BPIFA3: variants seen among roughly 807,000 people sequenced by gnomAD.
The protein encoded by BPIFA3 is BPI fold-containing family A member 3.
Under a neutral mutation model 29.7 loss-of-function variants are expected in BPIFA3, and 32 were observed. The ratio of observed to expected loss-of-function variants is 1.08; its 90% CI spans 0.81 to 1.45. The LOEUF (loss-of-function observed/expected upper bound fraction) is 1.45, where lower values mean the gene tolerates loss of function less well. BPIFA3 is among the 40% of genes most tolerant of loss of function. The pLI is 0.00. For synonymous variants in BPIFA3, 112 were observed against 113.7 expected, an observed-to-expected ratio of 0.98 and a Z score of 0.10; for missense variants, 323 against 311.3, an observed-to-expected ratio of 1.04 and a Z score of -0.28.
In BPIFA3 at chr20:33,225,240, C is replaced by T. The variant is rs199894237; in HGVS notation, c.529C>T (p.Leu177Phe). 4 of 1,613,684 alleles carry T rather than the reference C, an allele frequency of 2.5e-6. No homozygotes were observed. The South Asian group carries it at 4.4e-5, about 18-fold the overall frequency. The change falls in exon 4 of 7, where the codon CTC becomes TTC. Residue 177 changes from leucine (L) to phenylalanine (F), a missense_variant. Transcript: ENST00000375454. ...GCCCAGCAGTGTCCATGTGGCCATC[C>T]TCACTGAGTAAGACCCCAGCTGCCC... ...AEPSSVHVAI[L>F]TEAIPPKMNQ...
intron 1 of BPIFA3, among the ~76,000 whole-genome samples, chr20:33,222,740 G>T (rs955394822): frequency 6.6e-5 from 10 of 152,096 alleles, no homozygotes; most frequent in Admixed American, 1.3e-4. Flanking sequence ...GGCAACCACT[G>T]GTGTCTGCTG....
intron 1 of BPIFA3, chr20:33,223,567 A>G (rs1568623925): frequency 2.3e-6 from 1 of 430,924 alleles, no homozygotes; most frequent in Non-Finnish European, 4.2e-6. Flanking sequence ...CAACCAGAAT[A>G]CCCCACTTTG....
At chr20:33,224,664 G>A (rs1248269510) in intron 3 of BPIFA3, among the ~76,000 whole-genome samples, 1 of 152,170 alleles carries the variant, frequency 6.6e-6, no homozygotes, top group Non-Finnish European at 1.5e-5. Flanking sequence ...GTCAGTGGAA[G>A]GAAGTCATTT....
intron 1 of BPIFA3, among the ~76,000 whole-genome samples, chr20:33,220,235 A>G (rs373762574): frequency 2.0e-5 from 3 of 152,100 alleles, no homozygotes; most frequent in East Asian, 3.9e-4. Flanking sequence ...CATCTCTACT[A>G]AAAATACAAG....
intron 3 of BPIFA3, among the ~76,000 whole-genome samples, chr20:33,224,769 T>C (rs142866988): frequency 1.3e-5 from 2 of 152,262 alleles, no homozygotes; most frequent in East Asian, 3.9e-4. Flanking sequence ...CTGCTCACCA[T>C]CCTCCTGTTC....
At chr20:33,226,671 T>A (rs777128263) in intron 5 of BPIFA3, among the ~76,000 whole-genome samples, 181 bp downstream of exon 5, 3 of 152,328 alleles carry the variant, frequency 2.0e-5, no homozygotes, top group East Asian at 3.9e-4. Flanking sequence ...AGACTTTGCC[T>A]CCCTGAGCCT....
intron 3 of BPIFA3, 64 bp from the exon 4 acceptor site, chr20:33,225,034 G>C: frequency 1.3e-6 from 2 of 1,515,444 alleles, no homozygotes; most frequent in Non-Finnish European, 1.8e-6. Context: ...TGCCAATACG[G>C]AGATTTCTAC....
intron 2 of BPIFA3, 49 bp from the exon 3 acceptor site, chr20:33,224,306 G>T (rs749162092): frequency 6.7e-7 from 1 of 1,489,000 alleles, no homozygotes; most frequent in Admixed American, 1.7e-5. Flanking sequence ...AGCCTTACCT[G>T]TTCTGAAGTC....
intron 1 of BPIFA3, among the ~76,000 whole-genome samples, chr20:33,222,285 C>T (rs899562432): frequency 2.6e-5 from 4 of 152,194 alleles, no homozygotes; most frequent in Non-Finnish European, 5.9e-5. Context: ...AAAATGGTGG[C>T]CCATGGCCAT....
At chr20:33,218,424 A>T (rs1985361340) in intron 1 of BPIFA3, among the ~76,000 whole-genome samples, 2 of 152,238 alleles carry the variant, frequency 1.3e-5, no homozygotes, top group Admixed American at 1.3e-4. Flanking sequence ...ACTGCCGAGT[A>T]CTGAGCTGTA....
At chr20:33,219,801 T>C (rs1467639337) in intron 1 of BPIFA3, among the ~76,000 whole-genome samples, 1 of 152,220 alleles carries the variant, frequency 6.6e-6, no homozygotes, top group Non-Finnish European at 1.5e-5. Flanking sequence ...TTAGAGTGTG[T>C]TGAGTTCCTT....
rs1600633383 is a variant in BPIFA3 at position 33,227,650 on chromosome 20, G to A, written c.*33G>A. On this transcript the variant is annotated 3_prime_UTR_variant, in exon 7 of 7. Coordinates refer to ENST00000375454, the MANE Select transcript of BPIFA3 (RefSeq NM_178466.5). ...TGATCAGAAGGAAAGTCCACATCTT[G>A]CAACCTTAAGTCTCCCTTAGAGTGG... 6.3e-7 allele frequency: 1 copy of A among 1,577,016 alleles called. No individual in the cohort carries two copies. Among genetic ancestry groups the A allele is most frequent in the African/African-American group, 1.3e-5 (1 of 74,184 alleles).
chr20:33,220,485 T>C (rs1600626123), intron 1 of BPIFA3, among the ~76,000 whole-genome samples: 1 of 152,220 alleles, frequency 6.6e-6, no homozygotes, highest in Non-Finnish European at 1.5e-5. Context: ...TTCCCAATCA[T>C]AAATTTAGTG....
intron 1 of BPIFA3, among the ~76,000 whole-genome samples, chr20:33,218,174 C>G (rs1051903115): frequency 6.6e-6 from 1 of 152,198 alleles, no homozygotes; most frequent in Non-Finnish European, 1.5e-5. Context: ...GATGGACATG[C>G]AGGTTGTCTC....
rs751686888 is a variant in BPIFA3 at position 33,227,121 on chromosome 20, G to C, written c.685+128G>C. ...CTGCATGTGCCGTGAGAACACTTTA[G>C]AGGTGACCATATTATGATGACCACA... On this transcript the variant is annotated intron_variant, in intron 6 of 6. Coordinates refer to ENST00000375454, the MANE Select transcript of BPIFA3 (RefSeq NM_178466.5). 26 of 768,350 alleles carry C rather than the reference G, an allele frequency of 3.4e-5. 1 individual carries two copies. Among genetic ancestry groups the C allele is most frequent in the South Asian group, 1.6e-4 (11 of 66,888 alleles). 47.6% of individuals were successfully genotyped at this position (768,350 alleles called of 1,614,324 possible). A position where few individuals can be genotyped will look rare whatever the true frequency, so the allele number is the denominator to read the frequency against.
chr20:33,224,739 C>T (rs1985696794), intron 3 of BPIFA3, among the ~76,000 whole-genome samples: 2 of 152,334 alleles, frequency 1.3e-5, no homozygotes, highest in South Asian at 4.1e-4. Flanking sequence ...GGGAGAACTG[C>T]TGTAATCATC....
In BPIFA3 at chr20:33,224,480, A is replaced by G. The variant is rs767788927; in HGVS notation, c.386+18A>G. 8 of 1,572,886 alleles carry G rather than the reference A, an allele frequency of 5.1e-6. No homozygotes were observed. Among genetic ancestry groups the G allele is most frequent in the Admixed American group, 3.3e-5 (2 of 59,934 alleles). ...TTGAGACCGTGAGTCATACAGAAGC[A>G]GAATCTGAGAGGTGCTGGCCCTCCT... On this transcript the variant is annotated intron_variant, in intron 3 of 6. Coordinates refer to ENST00000375454, the MANE Select transcript of BPIFA3 (RefSeq NM_178466.5).
intron 1 of BPIFA3, 39 bp from the exon 2 acceptor site, chr20:33,223,772 T>A (rs1985635389): frequency 6.3e-7 from 1 of 1,587,184 alleles, no homozygotes; most frequent in East Asian, 2.3e-5. Flanking sequence ...ACCTTTTCCG[T>A]GACACTGTGC....
In BPIFA3 at chr20:33,222,672, G is replaced by A. The variant is rs527557746; in HGVS notation, c.128-1139G>A. Among the ~76,000 whole-genome samples, 148 of 112,658 alleles carry A rather than the reference G, an allele frequency of 1.3e-3. 3 individuals are homozygous for A. Among genetic ancestry groups the A allele is most frequent in the African/African-American group, 6.3e-3 (143 of 22,748 alleles). 73.9% of individuals were successfully genotyped at this position (112,658 alleles called of 152,430 possible). A position where few individuals can be genotyped will look rare whatever the true frequency, so the allele number is the denominator to read the frequency against. On this transcript the variant is annotated intron_variant, in intron 1 of 6. Transcript: ENST00000375454. ...GATGGATGGATGGATGGATGGATGA[G>A]TGGATGGATGGATGGATGAGCGGAT...
Sources: allele counts gnomAD v4.1 joint callset (sites outside exome capture counted in the v4.1 genomes callset), GRCh38; gene constraint gnomAD v4.1.1; transcripts MANE v1.5; gene names NCBI Gene and HGNC (gene_info 2026-07-23, HGNC 2026-07-21).